UBE3C: variants seen among roughly 807,000 people sequenced by gnomAD.
UBE3C encodes ubiquitin protein ligase E3C, also known as ubiquitin-protein ligase E3C.
In UBE3C, 42 loss-of-function variants were observed where a neutral mutation model predicts 129.4. The ratio of observed to expected loss-of-function variants is 0.32; its 90% confidence interval spans 0.25 to 0.42. UBE3C has a LOEUF of 0.42. UBE3C is among the 10% of genes least tolerant of loss of function. UBE3C has a pLI of 1.00. For missense variants in UBE3C, 1,049 were observed against 1,319.1 expected, an observed-to-expected ratio of 0.80 and a Z score of 3.17; for synonymous variants, 510 against 492.4, an observed-to-expected ratio of 1.04 and a Z score of -0.47.
chr7:157,196,533 G>A lies in UBE3C; in HGVS notation c.1332-5188G>A, dbSNP rs1488587762. Among the ~76,000 whole-genome samples, 8 of 152,348 alleles carry A rather than the reference G, an allele frequency of 5.3e-5. No homozygotes were observed. In the East Asian group the frequency reaches 1.5e-3, roughly 29 times the overall value. ...GAAGACGTTCTAGGTTGAGCACATAGAAGAGTGTTTAGTGTATATAGTGAG... is the reference window on the plus strand; with the variant it reads ...GAAGACGTTCTAGGTTGAGCACATAAAAGAGTGTTTAGTGTATATAGTGAG... On this transcript the variant is annotated intron_variant, in intron 10 of 22. Transcript: ENST00000348165.
intron 2 of UBE3C, among the ~76,000 whole-genome samples, chr7:157,166,483 G>A (rs1441588889): frequency 6.6e-6 from 1 of 152,184 alleles, no homozygotes; most frequent in Non-Finnish European, 1.5e-5. Flanking sequence ...GCTCACGCCT[G>A]TATTCTCAGC....
At chr7:157,156,575 G>GCGTTA (rs377574170) in intron 1 of UBE3C, among the ~76,000 whole-genome samples, 2 of 151,966 alleles carry the variant, frequency 1.3e-5, no homozygotes, top group African/African-American at 4.8e-5. Context: ...AAAACTGCTA[G>GCGTTA]CGTTACAGGC....
intron 1 of UBE3C, among the ~76,000 whole-genome samples, chr7:157,145,883 G>A (rs1002047415): frequency 2.6e-5 from 4 of 152,072 alleles, no homozygotes; most frequent in African/African-American, 9.7e-5. Context: ...TATCTGTGTG[G>A]TACATTTGTG....
chr7:157,258,814 G>A (rs1379672073), intron 22 of UBE3C, among the ~76,000 whole-genome samples: 9 of 152,144 alleles, frequency 5.9e-5, no homozygotes, highest in South Asian at 2.1e-4. Flanking sequence ...TTTTTACTTC[G>A]AAACTATTTT....
intron 1 of UBE3C, chr7:157,139,929 C>A: frequency 1.1e-6 from 1 of 907,110 alleles, no homozygotes; most frequent in Non-Finnish European, 1.3e-6. Flanking sequence ...GAATCCAAGA[C>A]GAGGGCAATT....
chr7:157,267,408 C>T (rs551345071), intron 22 of UBE3C, among the ~76,000 whole-genome samples, 177 bp from the exon 23 acceptor site: 2 of 152,194 alleles, frequency 1.3e-5, no homozygotes, highest in Non-Finnish European at 2.9e-5. Flanking sequence ...GGCGACAGAG[C>T]TAGACTCCAT....
chr7:157,220,665 C>G lies in UBE3C; in HGVS notation c.1915-24C>G, dbSNP rs748720860. ...GTGTGTGCTAGAGCACAGGGGAGTT[C>G]TGAACCAGGATTGCCCCCGACAGGT... On this transcript the variant is annotated intron_variant, in intron 14 of 22. Coordinates refer to ENST00000348165, the MANE Select transcript of UBE3C (RefSeq NM_014671.3). 3.1e-6 allele frequency: 5 copies of G among 1,613,726 alleles called. No homozygotes were observed. The South Asian group carries it at 5.5e-5, about 18-fold the overall frequency.
At chr7:157,248,604 A>G (rs1274544064) in intron 19 of UBE3C, 24 bp downstream of exon 19, 1 of 1,609,614 alleles carries the variant, frequency 6.2e-7, no homozygotes, top group Non-Finnish European at 8.5e-7. Flanking sequence ...AGGAGGATTC[A>G]CATACCTGTA....
At chr7:157,223,193 G>A in intron 15 of UBE3C, 61 bp from the exon 16 acceptor site, 1 of 1,513,086 alleles carries the variant, frequency 6.6e-7, no homozygotes, top group Non-Finnish European at 9.2e-7. Flanking sequence ...CTTAAGAATT[G>A]TCAGTGGGAA....
At chr7:157,258,516 A>G (rs1001042074) in intron 22 of UBE3C, among the ~76,000 whole-genome samples, 1 of 152,170 alleles carries the variant, frequency 6.6e-6, no homozygotes, top group Admixed American at 6.6e-5. Flanking sequence ...GCAGAGGGCA[A>G]TGGCGTGATT....
chr7:157,248,571 A>C lies in UBE3C; in HGVS notation c.2685A>C (p.Gly895=). 6.2e-7 allele frequency: 1 copy of C among 1,612,322 alleles called. No individual in the cohort carries two copies. The highest frequency in any genetic ancestry group is 1.7e-5 in the Admixed American group (1 of 60,010). The change falls in exon 19 of 23, where the codon GGA becomes GGC. Residue 895 remains glycine, a synonymous_variant. Coordinates refer to ENST00000348165, the MANE Select transcript of UBE3C (RefSeq NM_014671.3). ...TCACTGTGGTGAACAATGACCTGGG[A>C]GAGGCGCAGGTGAGGGGTCAGGAGG... ...LNFTVVNNDL[G]EAQVVELKFG... is the part of the protein sequence containing the mutation.
At chr7:157,229,106 T>C (rs1795953986) in intron 17 of UBE3C, among the ~76,000 whole-genome samples, 1 of 152,130 alleles carries the variant, frequency 6.6e-6, no homozygotes, top group African/African-American at 2.4e-5. Context: ...CTACGTGCGG[T>C]TGCTTTCCCC....
At chr7:157,246,371 G>A (rs1796477364) in intron 18 of UBE3C, among the ~76,000 whole-genome samples, 1 of 152,104 alleles carries the variant, frequency 6.6e-6, no homozygotes, top group Admixed American at 6.6e-5. Context: ...GCACAGTCCC[G>A]GCTCTCTGGA....
chr7:157,155,119 T>G (rs929625242), intron 1 of UBE3C, among the ~76,000 whole-genome samples: 15 of 152,202 alleles, frequency 9.9e-5, no homozygotes, highest in African/African-American at 3.4e-4. Flanking sequence ...TTTGTGAAAT[T>G]GGCGGTTCTC....
At chr7:157,187,984 C>G (rs1272239352) in intron 10 of UBE3C, among the ~76,000 whole-genome samples, 1 of 152,156 alleles carries the variant, frequency 6.6e-6, no homozygotes, top group Non-Finnish European at 1.5e-5. Flanking sequence ...ACAAAACCTG[C>G]AAGTTAAAAA....
At chr7:157,234,251 C>G (rs1341246728) in intron 18 of UBE3C, among the ~76,000 whole-genome samples, 1 of 152,098 alleles carries the variant, frequency 6.6e-6, no homozygotes, top group Non-Finnish European at 1.5e-5. Flanking sequence ...ATTCCCTGAC[C>G]TAAAATCACA....
chr7:157,223,372 A>G (rs377667592), intron 16 of UBE3C, 21 bp downstream of exon 16: 18 of 1,595,940 alleles, frequency 1.1e-5, no homozygotes, highest in Middle Eastern at 1.7e-4. Context: ...TGGCTTCTTT[A>G]TTGTCACTAC....
intron 10 of UBE3C, among the ~76,000 whole-genome samples, chr7:157,194,912 T>C (rs777144372): frequency 1.3e-5 from 2 of 152,108 alleles, no homozygotes; most frequent in African/African-American, 2.4e-5. Flanking sequence ...TGGTAAAATA[T>C]GGAAGGAGGT....
At chr7:157,257,190 G>T in intron 22 of UBE3C, 146 bp downstream of exon 22, 1 of 1,187,648 alleles carries the variant, frequency 8.4e-7, no homozygotes, top group African/African-American at 1.6e-5. Context: ...TGGTTATGAT[G>T]TATATATTTT....
Sources: allele counts gnomAD v4.1 joint callset (sites outside exome capture counted in the v4.1 genomes callset), GRCh38; gene constraint gnomAD v4.1.1; transcripts MANE v1.5; gene names NCBI Gene and HGNC (gene_info 2026-07-23, HGNC 2026-07-21).